FARS2: variants seen among roughly 807,000 people sequenced by gnomAD.
FARS2 encodes the protein phenylalanyl-tRNA synthetase 2, mitochondrial.
Under a neutral mutation model 46.4 loss-of-function variants are expected in FARS2, and 40 were observed. The ratio of observed to expected loss-of-function variants is 0.86; its 90% CI spans 0.67 to 1.12. FARS2 has a LOEUF of 1.12. Among genes scored for constraint, FARS2 ranks in the 50% most tolerant of loss-of-function variants. FARS2 has a pLI of 0.00. For synonymous variants in FARS2, 234 were observed against 214.9 expected, an observed-to-expected ratio of 1.09 and a Z score of -0.78; for missense variants, 513 against 567.9, an observed-to-expected ratio of 0.90 and a Z score of 0.98.
At chr6:5,546,545 CA>C (rs1561703326) in intron 5 of FARS2, among the ~76,000 whole-genome samples, 1 of 151,860 alleles carries the variant, frequency 6.6e-6, no homozygotes, top group Non-Finnish European at 1.5e-5. Context: ...CCACTGCGCC[CA>C]GCCCTCATCT....
At chr6:5,617,288 TC>T (rs1775528781) in intron 6 of FARS2, among the ~76,000 whole-genome samples, 1 of 152,266 alleles carries the variant, frequency 6.6e-6, no homozygotes, top group Admixed American at 6.5e-5. Flanking sequence ...AAAACATTCT[TC>T]ATTGGCACTG....
At chr6:5,627,764 C>T (rs545556664) in intron 6 of FARS2, among the ~76,000 whole-genome samples, 1 of 152,156 alleles carries the variant, frequency 6.6e-6, no homozygotes, top group African/African-American at 2.4e-5. Flanking sequence ...CCATCAACAA[C>T]GTATGTTATA....
chr6:5,604,186 A>G (rs1239434233), intron 5 of FARS2, among the ~76,000 whole-genome samples: 2 of 152,152 alleles, frequency 1.3e-5, no homozygotes, highest in Non-Finnish European at 2.9e-5. Flanking sequence ...TTATGCGGAT[A>G]TGTGCGAGGT....
intron 6 of FARS2, among the ~76,000 whole-genome samples, chr6:5,698,373 A>G (rs1561808087): frequency 6.6e-6 from 1 of 152,152 alleles, no homozygotes; most frequent in East Asian, 1.9e-4. Flanking sequence ...ACGCACCAGA[A>G]TTCATGAGAA....
rs184349096 is a variant in FARS2, at chr6:5,743,967, A to G, written c.1218-27324A>G. 6.1e-4 allele frequency among the ~76,000 whole-genome samples: 93 copies of G among 152,238 alleles called. 1 individual carries two copies. Among genetic ancestry groups the G allele is most frequent in the African/African-American group, 1.8e-3 (73 of 41,538 alleles). ...CAACGTCCTTCCTGTCTTACCTCTT[A>G]TATAGGAGCTCGGCCATTTGGGGCA... On this transcript the variant is annotated intron_variant, in intron 6 of 6. Transcript: ENST00000274680.
chr6:5,341,188 G>GAT (rs869067569), intron 1 of FARS2, among the ~76,000 whole-genome samples: 82 of 34,180 alleles, frequency 2.4e-3, no homozygotes, highest in Non-Finnish European at 2.8e-3. Context: ...GCCATGGGGA[G>GAT]ATATATATAT....
chr6:5,719,321 A>C (rs1284764386), intron 6 of FARS2, among the ~76,000 whole-genome samples: 1 of 151,260 alleles, frequency 6.6e-6, no homozygotes, highest in African/African-American at 2.4e-5. Context: ...GGTCAAGGCT[A>C]CAGTGAGCTG....
chr6:5,593,630 C>T (rs1009117402), intron 5 of FARS2, among the ~76,000 whole-genome samples: 2 of 152,184 alleles, frequency 1.3e-5, no homozygotes, highest in African/African-American at 2.4e-5. Flanking sequence ...CTCCATATTA[C>T]CTGTCAAGTA....
intron 1 of FARS2, among the ~76,000 whole-genome samples, chr6:5,330,309 T>C (rs1770710343): frequency 6.6e-6 from 1 of 152,200 alleles, no homozygotes; most frequent in African/African-American, 2.4e-5. Context: ...CCTCACTTTT[T>C]TCTTTTGTGA....
chr6:5,341,128 A>G (rs927674707), intron 1 of FARS2, among the ~76,000 whole-genome samples: 2 of 141,280 alleles, frequency 1.4e-5, no homozygotes, highest in African/African-American at 5.2e-5. Context: ...AGCCTGGGCG[A>G]CAGAGTTTCA....
intron 1 of FARS2, among the ~76,000 whole-genome samples, chr6:5,367,317 A>G (rs1228067680): frequency 3.9e-5 from 6 of 152,244 alleles, no homozygotes; most frequent in Admixed American, 3.9e-4. Context: ...GCTTTAAAAT[A>G]GCCCGGTAGG....
At chr6:5,458,221 A>T (rs1018132651) in intron 4 of FARS2, 1 of 152,402 alleles carries the variant, frequency 6.6e-6, no homozygotes, top group Non-Finnish European at 1.5e-5. Flanking sequence ...AATCATTTGC[A>T]GCAAAGCCTG....
intron 6 of FARS2, among the ~76,000 whole-genome samples, chr6:5,636,969 G>A (rs973060035): frequency 2.0e-5 from 3 of 152,228 alleles, no homozygotes; most frequent in African/African-American, 7.2e-5. Flanking sequence ...GCCACTGCAG[G>A]CACCAGATGG....
intron 4 of FARS2, 99 bp downstream of exon 4, chr6:5,431,271 T>C: frequency 8.1e-7 from 1 of 1,233,858 alleles, no homozygotes; most frequent in Non-Finnish European, 1.2e-6. Context: ...CATACTTCTA[T>C]GCGGGCAGCG....
At chr6:5,731,929 C>G (rs781217456) in intron 6 of FARS2, among the ~76,000 whole-genome samples, 1 of 152,184 alleles carries the variant, frequency 6.6e-6, no homozygotes, top group Non-Finnish European at 1.5e-5. Context: ...GAGACTCTCA[C>G]GCAGCCCGAG....
At chr6:5,600,122 A>G (rs9502321) in intron 5 of FARS2, among the ~76,000 whole-genome samples, 45,554 of 152,112 alleles carry the variant, frequency 0.3, 7,411 homozygotes, top group African/African-American at 0.42. Flanking sequence ...TTGAAAATCC[A>G]TTTCTGTCCT....
chr6:5,611,337 A>G (rs1775172371), intron 5 of FARS2, among the ~76,000 whole-genome samples: 1 of 152,174 alleles, frequency 6.6e-6, no homozygotes, highest in South Asian at 2.1e-4. Flanking sequence ...GCCTGAACCT[A>G]CAGAACGTCG....
At chr6:5,397,212 CTA>C (rs1384498510) in intron 2 of FARS2, among the ~76,000 whole-genome samples, 1 of 152,152 alleles carries the variant, frequency 6.6e-6, no homozygotes, top group Non-Finnish European at 1.5e-5. Flanking sequence ...GCTCCATACT[CTA>C]TGTTTCCCTC....
intron 4 of FARS2, among the ~76,000 whole-genome samples, chr6:5,477,278 C>G (rs1766179027): frequency 6.6e-6 from 1 of 152,170 alleles, no homozygotes; most frequent in Non-Finnish European, 1.5e-5. Flanking sequence ...CAGAGATTAG[C>G]CAGGAACTAG....
Sources: gnomAD v4.1 joint callset for allele counts (sites outside exome capture counted in the v4.1 genomes callset) on GRCh38, gnomAD v4.1.1 for gene constraint, MANE v1.5 for transcripts, NCBI Gene and HGNC (gene_info 2026-07-23, HGNC 2026-07-21) for gene names.